Variants in HCN1 observed in about 807,000 individuals in gnomAD.
The protein encoded by HCN1 is potassium/sodium hyperpolarization-activated cyclic nucleotide-gated channel 1.
A neutral mutation model predicts 78.9 loss-of-function variants in HCN1; 13 were observed. The ratio of observed to expected loss-of-function variants is 0.16; its 90% CI spans 0.11 to 0.26. The LOEUF (loss-of-function observed/expected upper bound fraction) is 0.26. Ranked by LOEUF, HCN1 falls within the 10% of genes least tolerant of loss-of-function variation. The pLI is 1.00. For synonymous variants in HCN1, 552 were observed against 455.5 expected (o/e 1.21, Z -2.70); for missense variants, 810 against 1,154.3 (o/e 0.70, Z 4.32).
At chr5:45,371,909 A>T (rs1484555932) in intron 4 of HCN1, among the ~76,000 whole-genome samples, 2 of 102,658 alleles carry the variant, frequency 1.9e-5, no homozygotes, top group Non-Finnish European at 3.6e-5. Context: ...TTATATTATA[A>T]AAAATATATA....
intron 2 of HCN1, among the ~76,000 whole-genome samples, chr5:45,479,132 A>T (rs1372306834): frequency 6.6e-6 from 1 of 152,002 alleles, no homozygotes; most frequent in East Asian, 1.9e-4. Flanking sequence ...TTTAAAAAAA[A>T]AAAAAAAAGA....
intron 2 of HCN1, among the ~76,000 whole-genome samples, chr5:45,544,382 T>C (rs1339129229): frequency 6.6e-6 from 1 of 152,088 alleles, no homozygotes; most frequent in African/African-American, 2.4e-5. Context: ...TTAGGTTTTC[T>C]ACTTGTTCGT....
In HCN1 at chr5:45,351,070, C is replaced by G. The variant is rs963893384; in HGVS notation, c.1377+2030G>C. Among the ~76,000 whole-genome samples, 2 of 152,124 alleles carry G rather than the reference C, an allele frequency of 1.3e-5. 1 individual carries two copies. The highest frequency in any genetic ancestry group is 1.3e-4 in the Admixed American group (2 of 15,270). ...CAAAAAAGAGCCCGCATCACCAAGT[C>G]AATCCTAAGCCAAAAGAACAAAGCT... On this transcript the variant is annotated intron_variant, in intron 5 of 7. Coordinates refer to ENST00000303230, the MANE Select transcript of HCN1 (RefSeq NM_021072.4).
intron 2 of HCN1, among the ~76,000 whole-genome samples, chr5:45,500,341 A>G (rs1203654464): frequency 6.6e-6 from 1 of 152,192 alleles, no homozygotes; most frequent in East Asian, 1.9e-4. Flanking sequence ...TTTTTGATGA[A>G]TTCATTTGGA....
chr5:45,521,482 T>G (rs1243333830), intron 2 of HCN1, among the ~76,000 whole-genome samples: 1 of 152,016 alleles, frequency 6.6e-6, no homozygotes, highest in Non-Finnish European at 1.5e-5. Flanking sequence ...TACATTCTGG[T>G]AGCCTCAGAA....
Position 45,502,446 on chromosome 5 carries a change from C to T in HCN1, c.850-40439G>A, listed in dbSNP as rs181841336. Among the ~76,000 whole-genome samples the T allele has an allele frequency of 4.1e-4, 62 of 152,164 alleles. 2 individuals are homozygous for T. The South Asian group carries it at 0.011, about 27-fold the overall frequency. ...CAATATACCTAAAAATCAAGAAATA[C>T]GAATTCCAACTATTGGGATCCACTA... On this transcript the variant is annotated intron_variant, in intron 2 of 7. Transcript: ENST00000303230.
intron 6 of HCN1, among the ~76,000 whole-genome samples, chr5:45,297,409 G>A (rs1454106903): frequency 6.6e-6 from 1 of 152,036 alleles, no homozygotes; most frequent in African/African-American, 2.4e-5. Context: ...TTCGTTTATG[G>A]CCAATTTTGG....
At chr5:45,325,541 A>G (rs1382806669) in intron 5 of HCN1, among the ~76,000 whole-genome samples, 1 of 151,776 alleles carries the variant, frequency 6.6e-6, no homozygotes, top group Non-Finnish European at 1.5e-5. Context: ...TAAATTACAC[A>G]TACATTCCAT....
At chr5:45,280,923 CA>C (rs1745148761) in intron 6 of HCN1, among the ~76,000 whole-genome samples, 1 of 151,442 alleles carries the variant, frequency 6.6e-6, no homozygotes, top group African/African-American at 2.4e-5. Flanking sequence ...CTTTTCCATT[CA>C]AGTGTCAGGT....
chr5:45,638,646 T>C (rs1489282184), intron 2 of HCN1, among the ~76,000 whole-genome samples: 1 of 152,180 alleles, frequency 6.6e-6, no homozygotes, highest in African/African-American at 2.4e-5. Flanking sequence ...CTCATGCCTG[T>C]AATCCCACCA....
chr5:45,632,863 T>C (rs1745291920), intron 2 of HCN1, among the ~76,000 whole-genome samples: 1 of 152,018 alleles, frequency 6.6e-6, no homozygotes, highest in Non-Finnish European at 1.5e-5. Flanking sequence ...AATAATATAC[T>C]CATGGAAAAT....
intron 2 of HCN1, among the ~76,000 whole-genome samples, chr5:45,466,544 T>G (rs1741274107): frequency 6.6e-6 from 1 of 152,090 alleles, no homozygotes; most frequent in Non-Finnish European, 1.5e-5. Context: ...CAAGGTTAGA[T>G]TCTTCTGTTT....
chr5:45,435,250 C>T (rs372779677), intron 3 of HCN1, among the ~76,000 whole-genome samples: 5 of 152,124 alleles, frequency 3.3e-5, no homozygotes, highest in East Asian at 1.9e-4. Flanking sequence ...TGTATTGATA[C>T]GATGACTGAA....
At chr5:45,499,614 C>T (rs1351671891) in intron 2 of HCN1, among the ~76,000 whole-genome samples, 2 of 152,100 alleles carry the variant, frequency 1.3e-5, no homozygotes, top group Non-Finnish European at 1.5e-5. Context: ...GGCTCCTCCC[C>T]CTGTGTTTTG....
chr5:45,687,438 C>T (rs113832321), intron 1 of HCN1, among the ~76,000 whole-genome samples: 4 of 152,112 alleles, frequency 2.6e-5, no homozygotes, highest in African/African-American at 9.6e-5. Context: ...TCTTATATTT[C>T]CTATTCCCTT....
chr5:45,411,149 C>T (rs972232582), intron 3 of HCN1, among the ~76,000 whole-genome samples: 39 of 151,878 alleles, frequency 2.6e-4, no homozygotes, highest in African/African-American at 9.4e-4. Flanking sequence ...TGTGTGTGTA[C>T]ATTGGGGTGA....
At chr5:45,339,313 G>A (rs1419127305) in intron 5 of HCN1, among the ~76,000 whole-genome samples, 1 of 152,112 alleles carries the variant, frequency 6.6e-6, no homozygotes, top group African/African-American at 2.4e-5. Flanking sequence ...AGTAGTGACA[G>A]AAAATTTATG....
chr5:45,426,132 G>T (rs1406833079), intron 3 of HCN1, among the ~76,000 whole-genome samples: 1 of 152,068 alleles, frequency 6.6e-6, no homozygotes, highest in Non-Finnish European at 1.5e-5. Context: ...TGTTTGAATA[G>T]GCAAAAATTG....
At chr5:45,376,597 C>T (rs1374868284) in intron 4 of HCN1, among the ~76,000 whole-genome samples, 1 of 151,632 alleles carries the variant, frequency 6.6e-6, no homozygotes, top group African/African-American at 2.4e-5. Flanking sequence ...TAACATTTGG[C>T]TGGTGATTTA....
Sources: allele counts gnomAD v4.1 joint callset (sites outside exome capture counted in the v4.1 genomes callset), GRCh38; gene constraint gnomAD v4.1.1; transcripts MANE v1.5; gene names NCBI Gene and HGNC (gene_info 2026-07-23, HGNC 2026-07-21).